Variants in ITGA2 observed in about 807,000 individuals in gnomAD.
ITGA2 encodes the protein integrin alpha-2.
A neutral mutation model predicts 146.3 loss-of-function variants in ITGA2; 101 were observed. The ratio of observed to expected loss-of-function variants is 0.69; its 90% CI spans 0.59 to 0.81. The LOEUF (loss-of-function observed/expected upper bound fraction) is 0.81. ITGA2 is among the 40% of genes least tolerant of loss of function. The pLI is 0.00. For missense variants in ITGA2, 1,281 were observed against 1,402.7 expected (o/e 0.91, Z 1.39); for synonymous variants, 477 against 487.1 (o/e 0.98, Z 0.27).
chr5:53,092,627 A>G lies in ITGA2; in HGVS notation c.*2028A>G, dbSNP rs1372809397. The G allele has an allele frequency of 9.0e-6, 1 of 110,734 alleles. No homozygotes were observed. The highest frequency in any genetic ancestry group is 2.0e-5 in the Non-Finnish European group (1 of 50,502). 6.9% of individuals were successfully genotyped at this position (110,734 alleles called of 1,614,324 possible). On this transcript the variant is annotated 3_prime_UTR_variant, in exon 30 of 30. Coordinates refer to ENST00000296585, the MANE Select transcript of ITGA2 (RefSeq NM_002203.4). ...TTCATTCCAACAAAATTTTATTTAA[A>G]AAAAAAAAAAAAAGACTGGAGAAAC...
rs1486929374 is a variant in ITGA2, at chr5:53,080,601, A to T, written c.3019A>T (p.Thr1007Ser). 2 of 1,613,072 alleles carry T rather than the reference A, an allele frequency of 1.2e-6. No individual in the cohort carries two copies. Among genetic ancestry groups the T allele is most frequent in the Non-Finnish European group, 1.7e-6 (2 of 1,179,160 alleles). Reference sequence around the variant, plus strand: ...AGAAAAGAACCCACTGATGTACCTAACTGGGGTGCAAACAGACAAGGTAAA... The same window carrying T: ...AGAAAAGAACCCACTGATGTACCTATCTGGGGTGCAAACAGACAAGGTAAA... ...TKEKNPLMYL[T>S]GVQTDKAGDI... Residue 1007 changes from threonine (T) to serine (S), a missense_variant, in exon 25 of 30, where the codon ACT (threonine) becomes TCT (serine). Coordinates refer to ENST00000296585, the MANE Select transcript of ITGA2 (RefSeq NM_002203.4).
At chr5:53,032,523 A>G (rs1743273410) in intron 2 of ITGA2, among the ~76,000 whole-genome samples, 1 of 152,236 alleles carries the variant, frequency 6.6e-6, no homozygotes, top group Admixed American at 6.5e-5. Context: ...GCTGATAATT[A>G]ATAAAGATAG....
intron 11 of ITGA2, 97 bp downstream of exon 11, chr5:53,060,109 A>G: frequency 8.1e-7 from 1 of 1,233,572 alleles, no homozygotes; most frequent in Non-Finnish European, 1.2e-6. Context: ...AAATCCTTGA[A>G]CTGTCATCTA....
chr5:53,042,114 TACTGGTTGGTTC>T lies in ITGA2; in HGVS notation c.191_202del (p.Leu64_Ser67del). ...TAATAAAAAAAATGTGTTTCTAGGT[TACTGGTTGGTTC>T]ACCCTGGAGTGGCTTTCCTGAGAAC... is the stretch of plus-strand genomic sequence containing the variant. On this transcript the variant is annotated inframe_deletion, in exon 3 of 30. Transcript: ENST00000296585. 6.3e-7 allele frequency: 1 copy of T among 1,597,864 alleles called. No individual in the cohort carries two copies. The highest frequency in any genetic ancestry group is 8.6e-7 in the Non-Finnish European group (1 of 1,165,154).
chr5:53,087,001 A>G lies in ITGA2; in HGVS notation c.3308A>G (p.Tyr1103Cys), dbSNP rs1302534895. Residue 1103 changes from tyrosine to cysteine, a missense_variant, in exon 28 of 30, where the codon TAT (tyrosine) becomes TGT (cysteine). This residue lies in a region of ITGA2 where 475 missense variants were observed against 530.5 expected (regional missense o/e 0.90). Transcript: ENST00000296585. ...QLTAAAEINT[Y>C]NPEIYVIEDN... ...ACGGCAGCTGCAGAAATCAACACCT[A>G]TAACCCTGAGATATATGTGATTGAA... 2 of 1,613,802 alleles carry G rather than the reference A, an allele frequency of 1.2e-6. No individual in the cohort carries two copies. The highest frequency in any genetic ancestry group is 4.5e-5 in the East Asian group (2 of 44,854).
intron 1 of ITGA2, among the ~76,000 whole-genome samples, chr5:52,998,139 A>G (rs936631100): frequency 1.3e-5 from 2 of 152,012 alleles, no homozygotes; most frequent in African/African-American, 2.4e-5. Context: ...TTTTTTTGCT[A>G]TGGTTCAAGT....
At position 53,078,890 on chromosome 5, in the gene ITGA2, A is replaced by G; in HGVS notation, c.2928+16A>G. 1 of 1,393,946 alleles carries G rather than the reference A, an allele frequency of 7.2e-7. No homozygotes were observed. The highest frequency in any genetic ancestry group is 1.0e-6 in the Non-Finnish European group (1 of 980,094). The allele number at this position is 1,393,946 out of a possible 1,614,324, so 86.3% of individuals were successfully genotyped here. A position where few individuals can be genotyped will look rare whatever the true frequency, so the allele number is the denominator to read the frequency against. On this transcript the variant is annotated intron_variant, in intron 24 of 29. Transcript: ENST00000296585. ...CTCCCTGAAGGTTGGTAAGCCTGTC[A>G]TAAGGATGGCAAATCCAGGAGAAAG...
intron 28 of ITGA2, 137 bp from the exon 29 acceptor site, chr5:53,089,809 G>A (rs924074949): frequency 4.1e-6 from 3 of 724,052 alleles, no homozygotes; most frequent in Non-Finnish European, 7.6e-6. Flanking sequence ...CAATGTTTGA[G>A]ATACGCCATC....
chr5:53,059,999 C>G lies in ITGA2; in HGVS notation c.1299C>G (p.His433Gln), dbSNP rs186323075. The change falls in exon 11 of 30, where the codon CAC (histidine) becomes CAG (glutamine). Residue 433 changes from histidine to glutamine, a missense_variant. Around this residue, in one of 3 missense-constraint regions of ITGA2, gnomAD observed 795 missense variants for 841.7 expected, o/e 0.94. Transcript: ENST00000296585. ...AFDQILQDRN[H>Q]SSYLGYSVAA... ...ACCAAATTCTGCAGGACAGAAATCACAGTTCATATTTAGGTAAGGCATGGT... is the reference window on the plus strand; with the variant it reads ...ACCAAATTCTGCAGGACAGAAATCAGAGTTCATATTTAGGTAAGGCATGGT... The G allele has an allele frequency of 9.9e-6, 16 of 1,612,212 alleles. No homozygotes were observed. In the Admixed American group the frequency reaches 2.7e-4, roughly 27 times the overall value.
intron 6 of ITGA2, among the ~76,000 whole-genome samples, chr5:53,050,324 T>C (rs561740875): frequency 7.9e-5 from 12 of 152,174 alleles, no homozygotes; most frequent in Non-Finnish European, 1.5e-4. Flanking sequence ...TTTCTTTAAA[T>C]CTTTTTTCTT....
chr5:52,993,720 G>T (rs939624775), intron 1 of ITGA2, among the ~76,000 whole-genome samples: 2 of 152,196 alleles, frequency 1.3e-5, no homozygotes, highest in African/African-American at 4.8e-5. Context: ...CACATGTTCA[G>T]TCAATGTGTA....
chr5:53,047,278 A>C (rs1217919209), intron 4 of ITGA2, among the ~76,000 whole-genome samples: 2 of 152,212 alleles, frequency 1.3e-5, no homozygotes, highest in African/African-American at 4.8e-5. Context: ...GGCATTTTTT[A>C]GGATCTTAAT....
chr5:53,085,477 T>G (rs748715895), intron 27 of ITGA2, among the ~76,000 whole-genome samples: 4 of 152,310 alleles, frequency 2.6e-5, no homozygotes, highest in Admixed American at 6.5e-5. Flanking sequence ...CTTTCATCTT[T>G]AGTCTTTGGG....
In ITGA2 at chr5:53,028,455, CGAGA is replaced by C. The variant is rs1743058012; in HGVS notation, c.185+1593_185+1596del. 3.3e-5 allele frequency among the ~76,000 whole-genome samples: 5 copies of C among 152,204 alleles called. No individual in the cohort carries two copies. The South Asian group carries it at 1.0e-3, about 32-fold the overall frequency. On this transcript the variant is annotated intron_variant, in intron 2 of 29. Coordinates refer to ENST00000296585, the MANE Select transcript of ITGA2 (RefSeq NM_002203.4). Reference sequence around the variant, plus strand: ...GCAATTATTGTAACCATTTGGGATACGAGAGAGAGTTGCATGTCTAACAATTATC... The same window carrying C: ...GCAATTATTGTAACCATTTGGGATACGAGAGTTGCATGTCTAACAATTATC...
chr5:53,020,067 A>C (rs1464823233), intron 1 of ITGA2, among the ~76,000 whole-genome samples: 1 of 152,184 alleles, frequency 6.6e-6, no homozygotes, highest in East Asian at 1.9e-4. Context: ...CTTAGAACAC[A>C]TTCCCTGAGG....
Position 53,048,493 on chromosome 5 carries a change from G to A in ITGA2, c.502+16G>A. ...GCAACTCAGCGTAAGTTATTAATGTGCAGATGGTCTGAGCAATGCCTTACA... is the reference window on the plus strand; with the variant it reads ...GCAACTCAGCGTAAGTTATTAATGTACAGATGGTCTGAGCAATGCCTTACA... On this transcript the variant is annotated intron_variant, in intron 5 of 29. Coordinates refer to ENST00000296585, the MANE Select transcript of ITGA2 (RefSeq NM_002203.4). The A allele has an allele frequency of 6.2e-7, 1 of 1,612,732 alleles. No homozygotes were observed.
At chr5:53,029,919 G>A (rs1743143090) in intron 2 of ITGA2, among the ~76,000 whole-genome samples, 1 of 152,228 alleles carries the variant, frequency 6.6e-6, no homozygotes, top group African/African-American at 2.4e-5. Flanking sequence ...CACTGTTCTA[G>A]TTCATAGACA....
At chr5:53,084,446 A>C (rs1014805221) in intron 27 of ITGA2, among the ~76,000 whole-genome samples, 5 of 152,136 alleles carry the variant, frequency 3.3e-5, no homozygotes, top group African/African-American at 9.7e-5. Flanking sequence ...GCACCCTCCA[A>C]ACTCATCCCT....
intron 4 of ITGA2, among the ~76,000 whole-genome samples, chr5:53,047,654 C>T: frequency 6.6e-6 from 1 of 152,170 alleles, no homozygotes; most frequent in East Asian, 1.9e-4. Context: ...AATCTGGCAA[C>T]ACAACCTATT....
Sources: allele counts gnomAD v4.1 joint callset (sites outside exome capture counted in the v4.1 genomes callset), GRCh38; gene constraint gnomAD v4.1.1; regional missense constraint gnomAD v4.1.1; transcripts MANE v1.5; gene names NCBI Gene and HGNC (gene_info 2026-07-23, HGNC 2026-07-21).